Variants in HIVEP3 observed in about 807,000 individuals in gnomAD.
HIVEP3 encodes HIVEP zinc finger 3.
In HIVEP3, 49 loss-of-function variants were observed where a neutral mutation model predicts 152.8. That is an observed-to-expected ratio of 0.32 (90% CI 0.26 to 0.41). The LOEUF (loss-of-function observed/expected upper bound fraction) is 0.41. Among genes scored for constraint, HIVEP3 ranks in the 10% least tolerant of loss-of-function variants. The pLI is 1.00. For synonymous variants in HIVEP3, 1,269 were observed against 1,289.0 expected (o/e 0.98, Z 0.33); for missense variants, 2,790 against 3,103.3 (o/e 0.90, Z 2.40).
intron 1 of HIVEP3, among the ~76,000 whole-genome samples, chr1:41,732,364 C>A (rs973144339): frequency 3.9e-5 from 6 of 152,098 alleles, no homozygotes; most frequent in African/African-American, 1.4e-4. Context: ...ATGATGGAGC[C>A]AGGATTTGAA....
chr1:41,676,442 G>C (rs1252296596), intron 2 of HIVEP3, among the ~76,000 whole-genome samples: 1 of 152,190 alleles, frequency 6.6e-6, no homozygotes, highest in Non-Finnish European at 1.5e-5. Context: ...GGAAGAACAG[G>C]GGAGTCAGAC....
At chr1:41,658,562 A>G (rs1480718756) in intron 2 of HIVEP3, among the ~76,000 whole-genome samples, 4 of 151,880 alleles carry the variant, frequency 2.6e-5, no homozygotes, top group African/African-American at 9.7e-5. Flanking sequence ...TTGAAAGTGC[A>G]TGTTCTCACT....
chr1:41,657,198 C>T (rs1472726019), intron 2 of HIVEP3, among the ~76,000 whole-genome samples: 1 of 152,210 alleles, frequency 6.6e-6, no homozygotes, highest in African/African-American at 2.4e-5. Context: ...CTCCCACAAG[C>T]CGGGTGTTTA....
intron 1 of HIVEP3, among the ~76,000 whole-genome samples, chr1:41,712,519 TG>T (rs1425887871): frequency 6.6e-6 from 1 of 152,236 alleles, no homozygotes; most frequent in Admixed American, 6.5e-5. Flanking sequence ...TGGGCACCTG[TG>T]GCTGGCCGAT....
intron 6 of HIVEP3, among the ~76,000 whole-genome samples, chr1:41,523,466 G>A (rs1388508457): frequency 2.6e-5 from 4 of 152,136 alleles, no homozygotes; most frequent in African/African-American, 7.2e-5. Flanking sequence ...GATGGCGAGG[G>A]GACAGAGGAG....
chr1:41,900,510 C>T (rs924604079), intron 1 of HIVEP3, among the ~76,000 whole-genome samples: 3 of 152,134 alleles, frequency 2.0e-5, no homozygotes, highest in Non-Finnish European at 4.4e-5. Context: ...ATTGCTTTTA[C>T]GTTCTCTTCA....
At chr1:41,939,172 A>AT (rs1645034266) in intron 1 of HIVEP3, among the ~76,000 whole-genome samples, 1 of 152,160 alleles carries the variant, frequency 6.6e-6, no homozygotes. Context: ...TGTGATATAT[A>AT]TTTTTAATTC....
intron 2 of HIVEP3, among the ~76,000 whole-genome samples, chr1:41,647,393 C>T (rs1175799453): frequency 1.3e-5 from 2 of 152,236 alleles, no homozygotes; most frequent in African/African-American, 4.8e-5. Context: ...GCTTAGCACA[C>T]ATCACCATTG....
intron 1 of HIVEP3, among the ~76,000 whole-genome samples, chr1:41,739,304 T>C (rs944762819): frequency 1.1e-4 from 16 of 152,116 alleles, no homozygotes; most frequent in Non-Finnish European, 1.8e-4. Flanking sequence ...GAGAAGTACT[T>C]GGAGCTGGGG....
chr1:41,659,040 C>T (rs987682206), intron 2 of HIVEP3, among the ~76,000 whole-genome samples: 2 of 152,174 alleles, frequency 1.3e-5, no homozygotes, highest in African/African-American at 2.4e-5. Context: ...GTGATTGAAC[C>T]AGGAAGATAA....
Position 41,562,859 on chromosome 1 carries a change from A to C in HIVEP3, c.5207+12685T>G, listed in dbSNP as rs576357790. ...CTGCAGGTTGGGGTGGAGGGAACCA[A>C]GGTAAGGACGATTGGTGGAAAGTCT... is the stretch of plus-strand genomic sequence containing the variant. On this transcript the variant is annotated intron_variant, in intron 5 of 8. Transcript: ENST00000372583. Among the ~76,000 whole-genome samples, 7 of 152,170 alleles carry C rather than the reference A, an allele frequency of 4.6e-5. No individual in the cohort carries two copies. In the South Asian group the frequency reaches 1.5e-3, roughly 32 times the overall value.
intron 1 of HIVEP3, among the ~76,000 whole-genome samples, chr1:41,734,821 T>C (rs1646892957): frequency 1.3e-5 from 2 of 152,078 alleles, no homozygotes; most frequent in Non-Finnish European, 2.9e-5. Flanking sequence ...CTTGATGCCA[T>C]TGGGTGAGAC....
chr1:41,830,171 C>A (rs545769040), intron 1 of HIVEP3, among the ~76,000 whole-genome samples: 52 of 152,302 alleles, frequency 3.4e-4, no homozygotes, highest in Admixed American at 7.2e-4. Flanking sequence ...CATGGAAATA[C>A]ATGTCTAACT....
chr1:41,919,176 CAT>C (rs1557521654), upstream of HIVEP3, among the ~76,000 whole-genome samples: 2 of 152,032 alleles, frequency 1.3e-5, no homozygotes, highest in African/African-American at 4.8e-5. Context: ...AAATGCAAGT[CAT>C]AAATATTTAT....
chr1:41,550,074 G>GTA (rs1191106937), intron 5 of HIVEP3, among the ~76,000 whole-genome samples: 1 of 152,168 alleles, frequency 6.6e-6, no homozygotes, highest in African/African-American at 2.4e-5. Context: ...AAGGGATCCA[G>GTA]TTTCAGCTTT....
Position 41,581,920 on chromosome 1 carries a change from G to A in HIVEP3, c.2878C>T (p.Pro960Ser). ...ERDDHGKAEA[P>S]SPSSDMRPKP... is the part of the protein sequence containing the mutation. ...GGGCGCATGTCAGATGAGGGACTGG[G>A]GGCCTCGGCTTTCCCATGGTCATCC... is the stretch of plus-strand genomic sequence containing the variant. Residue 960 changes from proline to serine, a missense_variant, in exon 4 of 9, where the codon CCC becomes TCC. Physicochemically the swap from Pro to Ser is moderately conservative, Grantham distance 74 (BLOSUM62 -1). Transcript: ENST00000372583. The surrounding 1 kb of genome is among the most constrained non-coding windows in gnomAD (Gnocchi z 4.5). The A allele has an allele frequency of 6.2e-7, 1 of 1,614,154 alleles. No homozygotes were observed. Among genetic ancestry groups the A allele is most frequent in the South Asian group, 1.1e-5 (1 of 91,080 alleles).
chr1:41,631,304 G>T (rs904419190), intron 2 of HIVEP3, among the ~76,000 whole-genome samples: 2 of 152,128 alleles, frequency 1.3e-5, no homozygotes, highest in Non-Finnish European at 2.9e-5. Context: ...GCCTTGCTGT[G>T]CCTGGCAAGT....
chr1:41,834,079 AG>A (rs1643047345), intron 1 of HIVEP3, among the ~76,000 whole-genome samples: 1 of 152,168 alleles, frequency 6.6e-6, no homozygotes, highest in African/African-American at 2.4e-5. Context: ...GAGGCTGGAA[AG>A]GGCCTCCTGA....
intron 1 of HIVEP3, among the ~76,000 whole-genome samples, chr1:41,964,692 T>C (rs901447724): frequency 1.3e-5 from 2 of 152,184 alleles, no homozygotes; most frequent in African/African-American, 4.8e-5. Flanking sequence ...GGGATCCAGA[T>C]CCATTCCTCC....
Sources: gnomAD v4.1 joint callset for allele counts (sites outside exome capture counted in the v4.1 genomes callset) on GRCh38, gnomAD v4.1.1 for gene constraint, Gnocchi (gnomAD v3.1) non-coding constraint, MANE v1.5 for transcripts, NCBI Gene and HGNC (gene_info 2026-07-23, HGNC 2026-07-21) for gene names.